The following NCOA2 variants were observed in gnomAD, a reference collection of about 807,000 sequenced individuals.
NCOA2 encodes the protein nuclear receptor coactivator 2, also known as class E basic helix-loop-helix protein 75.
NCOA2 carries 21 observed loss-of-function variants against 145.1 expected under a neutral mutation model. The ratio of observed to expected loss-of-function variants is 0.14; its 90% CI spans 0.10 to 0.21. The LOEUF (loss-of-function observed/expected upper bound fraction) is 0.21, where lower values mean the gene tolerates loss of function less well. NCOA2 is among the 10% of genes least tolerant of loss of function. The pLI is 1.00. For missense variants in NCOA2, 1,472 were observed against 1,837.6 expected, an observed-to-expected ratio of 0.80 and a Z score of 3.64; for synonymous variants, 619 against 637.5, an observed-to-expected ratio of 0.97 and a Z score of 0.44.
chr8:70,211,963 CGCAGTCCCA>C (rs946096284), intron 4 of NCOA2, among the ~76,000 whole-genome samples: 33 of 151,552 alleles, frequency 2.2e-4, no homozygotes, highest in Admixed American at 1.6e-3. Flanking sequence ...TAAGGTATGG[CGCAGTCCCA>C]GCATGACACA....
At chr8:70,287,422 C>T (rs1458997223) in intron 2 of NCOA2, among the ~76,000 whole-genome samples, 3 of 152,060 alleles carry the variant, frequency 2.0e-5, no homozygotes, top group African/African-American at 7.2e-5. Context: ...GAATTGAAAA[C>T]TTTCTTCAAC....
intron 6 of NCOA2, among the ~76,000 whole-genome samples, chr8:70,168,785 GAATTA>G (rs1327483176): frequency 6.6e-6 from 1 of 152,182 alleles, no homozygotes; most frequent in Non-Finnish European, 1.5e-5. Context: ...TAATAATAGT[GAATTA>G]ATAAGTAGAA....
At chr8:70,273,908 T>C in intron 2 of NCOA2, 1 of 467,394 alleles carries the variant, frequency 2.1e-6, no homozygotes, top group Non-Finnish European at 4.1e-6. Context: ...GGAGCTGCTA[T>C]TTTATATTAT....
chr8:70,356,741 A>G (rs372408735), intron 1 of NCOA2, among the ~76,000 whole-genome samples: 1 of 152,342 alleles, frequency 6.6e-6, no homozygotes, highest in East Asian at 1.9e-4. Context: ...TCACCTTACA[A>G]TACTGCCATA....
chr8:70,190,766 G>C (rs902027718), intron 4 of NCOA2, among the ~76,000 whole-genome samples: 4 of 152,186 alleles, frequency 2.6e-5, no homozygotes, highest in Non-Finnish European at 5.9e-5. Context: ...TGAAGCAGGA[G>C]AATTACTTGA....
At chr8:70,137,794 C>T (rs374543368) in intron 15 of NCOA2, among the ~76,000 whole-genome samples, 35 of 152,354 alleles carry the variant, frequency 2.3e-4, no homozygotes, top group African/African-American at 7.7e-4. Flanking sequence ...ATTCTACTCA[C>T]AGCAATCCTT....
intron 2 of NCOA2, among the ~76,000 whole-genome samples, chr8:70,222,608 T>C (rs937066900): frequency 3.9e-5 from 6 of 152,212 alleles, no homozygotes; most frequent in African/African-American, 1.4e-4. Context: ...ATTTTTTAGC[T>C]GAAAGACACT....
intron 22 of NCOA2, among the ~76,000 whole-genome samples, chr8:70,114,189 TG>T (rs1806828673): frequency 6.6e-6 from 1 of 152,074 alleles, no homozygotes; most frequent in Admixed American, 6.6e-5. Flanking sequence ...TTTTGACTCC[TG>T]GGGTTTTGTA....
chr8:70,335,155 A>AAAAAAAAAAAAAAAAAAAT (rs774576238), intron 1 of NCOA2, among the ~76,000 whole-genome samples: 8 of 115,354 alleles, frequency 6.9e-5, no homozygotes, highest in East Asian at 5.4e-4. Context: ...AAAAAAAAAG[A>AAAAAAAAAAAAAAAAAAAT]TCTCTCCCTA....
At chr8:70,135,841 T>C (rs1053499261) in intron 15 of NCOA2, among the ~76,000 whole-genome samples, 1 of 152,172 alleles carries the variant, frequency 6.6e-6, no homozygotes, top group Non-Finnish European at 1.5e-5. Context: ...GGAAATCCCA[T>C]ACCTTAAAGT....
At chr8:70,358,076 A>C (rs80313994) in intron 1 of NCOA2, among the ~76,000 whole-genome samples, 3,504 of 151,790 alleles carry the variant, frequency 0.023, 71 homozygotes, top group Non-Finnish European at 0.031. Flanking sequence ...GAACAACAAC[A>C]AAAAAAACCC....
At chr8:70,392,201 G>A (rs1331470965) in intron 1 of NCOA2, among the ~76,000 whole-genome samples, 41 of 152,134 alleles carry the variant, frequency 2.7e-4, no homozygotes, top group Admixed American at 2.6e-3. Context: ...CTGAAAACAA[G>A]AACACACTGA....
intron 2 of NCOA2, among the ~76,000 whole-genome samples, chr8:70,290,486 C>A (rs559508445): frequency 5.9e-5 from 9 of 152,170 alleles, no homozygotes; most frequent in Non-Finnish European, 1.3e-4. Flanking sequence ...ACGCGCCCGG[C>A]CTATTTCCAT....
the NCOA2 span, among the ~76,000 whole-genome samples, chr8:70,445,947 T>C: frequency 6.6e-6 from 1 of 152,128 alleles, no homozygotes; most frequent in Non-Finnish European, 1.5e-5. Context: ...ATACATTCTA[T>C]CATAACTGCT....
chr8:70,319,809 T>C (rs1302544164), intron 1 of NCOA2, among the ~76,000 whole-genome samples: 1 of 152,198 alleles, frequency 6.6e-6, no homozygotes, highest in Non-Finnish European at 1.5e-5. Flanking sequence ...ATTTAAGACC[T>C]TAAAACTATA....
At position 70,280,450 on chromosome 8, in the gene NCOA2, A is replaced by C. The variant is rs1466345600; in HGVS notation, c.-20+16294T>G. On this transcript the variant is annotated intron_variant, in intron 2 of 22. Coordinates refer to ENST00000452400, the MANE Select transcript of NCOA2 (RefSeq NM_006540.4). ...TTTTCTCAGAAATCAATTTGCTGAA[A>C]TTGAAGGGTCAGGTTTGGTTGTATA... Among the ~76,000 whole-genome samples the C allele has an allele frequency of 2.6e-5, 4 of 152,218 alleles. No individual in the cohort carries two copies. The South Asian group carries it at 8.3e-4, about 31-fold the overall frequency.
At chr8:70,321,232 A>G (rs1806025704) in intron 1 of NCOA2, among the ~76,000 whole-genome samples, 1 of 152,206 alleles carries the variant, frequency 6.6e-6, no homozygotes, top group Non-Finnish European at 1.5e-5. Context: ...CTTAAATTTC[A>G]AATGTTCTCA....
At chr8:70,258,359 T>C (rs1265825382) in intron 2 of NCOA2, among the ~76,000 whole-genome samples, 1 of 152,224 alleles carries the variant, frequency 6.6e-6, no homozygotes, top group Non-Finnish European at 1.5e-5. Context: ...GGATATCACC[T>C]TAGCTACTAC....
At chr8:70,165,261 T>C (rs1369471947) in intron 7 of NCOA2, among the ~76,000 whole-genome samples, 2 of 152,254 alleles carry the variant, frequency 1.3e-5, no homozygotes, top group Non-Finnish European at 2.9e-5. Flanking sequence ...GCTCTAATAT[T>C]TCCTTCTCAA....
Sources: gnomAD v4.1 joint callset for allele counts (sites outside exome capture counted in the v4.1 genomes callset) on GRCh38, gnomAD v4.1.1 for gene constraint, MANE v1.5 for transcripts, NCBI Gene and HGNC (gene_info 2026-07-23, HGNC 2026-07-21) for gene names.